Variants in FBXW10B observed in about 807,000 individuals in gnomAD.
FBXW10B encodes the protein F-box and WD repeat domain containing 10B, also known as F-box and WD repeat domain containing protein 10B.
the FBXW10B span, among the ~76,000 whole-genome samples, chr17:15,609,632 C>T: frequency 1.3e-5 from 2 of 151,894 alleles, no homozygotes; most frequent in Admixed American, 1.3e-4. Flanking sequence ...AGCAACAACA[C>T]CTCCTCGATC....
the FBXW10B span, among the ~76,000 whole-genome samples, chr17:15,584,255 G>A: frequency 6.6e-6 from 1 of 152,174 alleles, no homozygotes; most frequent in Non-Finnish European, 1.5e-5. Flanking sequence ...CAAAGAATAA[G>A]CCACTGTGTG....
the FBXW10B span, among the ~76,000 whole-genome samples, chr17:15,581,487 G>C: frequency 1.3e-5 from 2 of 152,058 alleles, no homozygotes; most frequent in Non-Finnish European, 2.9e-5. Flanking sequence ...AAAGTAGATA[G>C]TGCAGGTAAG....
At chr17:15,597,376 C>T in the FBXW10B span, among the ~76,000 whole-genome samples, 5 of 150,980 alleles carry the variant, frequency 3.3e-5, no homozygotes, top group South Asian at 2.1e-4. Context: ...GCTTATAATC[C>T]CAGCACTTTG....
chr17:15,584,166 A>T, the FBXW10B span, among the ~76,000 whole-genome samples: 2 of 152,200 alleles, frequency 1.3e-5, no homozygotes, highest in African/African-American at 4.8e-5. Flanking sequence ...TTATCCCAAC[A>T]CGCTTTTTGA....
chr17:15,572,427 GT>G, the FBXW10B span: 1 of 152,212 alleles, frequency 6.6e-6, no homozygotes, highest in African/African-American at 2.4e-5. Flanking sequence ...TGTCATCATT[GT>G]TACTACTTTT....
At chr17:15,585,038 C>G in the FBXW10B span, among the ~76,000 whole-genome samples, 2 of 130,468 alleles carry the variant, frequency 1.5e-5, no homozygotes, top group Non-Finnish European at 3.2e-5. Flanking sequence ...CCACATTTTT[C>G]TCCCTCCCAA....
At chr17:15,602,789 G>A in the FBXW10B span, among the ~76,000 whole-genome samples, 31 of 122,250 alleles carry the variant, frequency 2.5e-4, 4 homozygotes, top group African/African-American at 9.1e-4. Flanking sequence ...CACCTCGCCC[G>A]GCTAATTTTT....
At chr17:15,569,945 A>G in the FBXW10B span, among the ~76,000 whole-genome samples, 2 of 152,120 alleles carry the variant, frequency 1.3e-5, no homozygotes, top group African/African-American at 2.4e-5. Context: ...TGTTTTTACT[A>G]TTGAGTTGTT....
At chr17:15,611,224 A>G in the FBXW10B span, among the ~76,000 whole-genome samples, 40 of 152,012 alleles carry the variant, frequency 2.6e-4, no homozygotes, top group East Asian at 7.6e-3. Flanking sequence ...GGGTTTCACT[A>G]TGTTGGCCAG....
the FBXW10B span, among the ~76,000 whole-genome samples, chr17:15,584,968 C>T: frequency 5.2e-4 from 66 of 125,876 alleles, no homozygotes; most frequent in Non-Finnish European, 7.0e-4. Context: ...CCTTCTTCTT[C>T]TTTTTTTTTT....
At chr17:15,581,377 G>A in the FBXW10B span, among the ~76,000 whole-genome samples, 1 of 152,198 alleles carries the variant, frequency 6.6e-6, no homozygotes, top group Non-Finnish European at 1.5e-5. Context: ...TCATGGCCCA[G>A]AATCAACAAC....
the FBXW10B span, among the ~76,000 whole-genome samples, chr17:15,584,086 C>T: frequency 1.3e-5 from 2 of 152,162 alleles, no homozygotes; most frequent in Non-Finnish European, 2.9e-5. Flanking sequence ...TTAGCAGTTT[C>T]ACATCTAGGA....
the FBXW10B span, among the ~76,000 whole-genome samples, chr17:15,582,165 GT>G: frequency 2.0e-5 from 3 of 146,828 alleles, no homozygotes; most frequent in Admixed American, 6.8e-5. Context: ...GATGGTTTTT[GT>G]TTTTTTAATC....
chr17:15,609,852 CTTT>C, the FBXW10B span, among the ~76,000 whole-genome samples: 13 of 103,188 alleles, frequency 1.3e-4, no homozygotes, highest in African/African-American at 3.2e-4. Context: ...TTCTTTCTTT[CTTT>C]TTTTTTTTTT....
chr17:15,593,315 G>A, the FBXW10B span: 55 of 1,613,492 alleles, frequency 3.4e-5, no homozygotes, highest in African/African-American at 6.4e-4. Context: ...TCACAGTTCT[G>A]ACCTCCACAC....
chr17:15,613,935 G>C, the FBXW10B span: 1 of 1,598,282 alleles, frequency 6.3e-7, no homozygotes, highest in Non-Finnish European at 8.5e-7. Flanking sequence ...TCAACCAATA[G>C]ATTGCAGGGA....
At chr17:15,592,368 G>T in the FBXW10B span, among the ~76,000 whole-genome samples, 1 of 144,072 alleles carries the variant, frequency 6.9e-6, no homozygotes, top group African/African-American at 2.6e-5. Context: ...TTACCAGGCT[G>T]CCCTCTTTAA....
chr17:15,577,172 T>C, the FBXW10B span, among the ~76,000 whole-genome samples: 1 of 152,068 alleles, frequency 6.6e-6, no homozygotes, highest in African/African-American at 2.4e-5. Context: ...AGAAATTTCT[T>C]TTTTTTTAGT....
At chr17:15,613,651 C>A in the FBXW10B span, 3 of 1,593,472 alleles carry the variant, frequency 1.9e-6, no homozygotes, top group East Asian at 4.5e-5. Context: ...TGAAGCCGTG[C>A]GCTGACAAGT....
Sources: gnomAD v4.1 joint callset for allele counts (sites outside exome capture counted in the v4.1 genomes callset) on GRCh38, gnomAD v4.1.1 for gene constraint, MANE v1.5 for transcripts, NCBI Gene and HGNC (gene_info 2026-07-23, HGNC 2026-07-21) for gene names.